Variants in CD80 observed in about 807,000 individuals in gnomAD.
The protein encoded by CD80 is CD80 molecule.
In CD80, 13 loss-of-function variants were observed where a neutral mutation model predicts 27.1. The observed-to-expected ratio is 0.48, with a 90% CI of 0.31 to 0.76. The LOEUF (loss-of-function observed/expected upper bound fraction) is 0.76, where lower values mean the gene tolerates loss of function less well. Ranked by LOEUF, CD80 falls within the 30% of genes least tolerant of loss-of-function variation. The probability of loss-of-function intolerance (pLI) is 0.04; values close to 1 mark genes in which losing one functional copy is unlikely to be tolerated. For synonymous variants in CD80, 125 were observed against 125.5 expected (o/e 1.00, Z 0.03); for missense variants, 277 against 347.9 (o/e 0.80, Z 1.62).
intron 2 of CD80, among the ~76,000 whole-genome samples, chr3:119,555,290 G>A (rs1260376619): frequency 6.6e-6 from 1 of 152,028 alleles, no homozygotes; most frequent in Non-Finnish European, 1.5e-5. Flanking sequence ...TCACGATAGG[G>A]GTCACTCCTG....
intron 3 of CD80, among the ~76,000 whole-genome samples, chr3:119,539,005 T>G (rs976374393): frequency 6.6e-6 from 1 of 152,222 alleles, no homozygotes; most frequent in Non-Finnish European, 1.5e-5. Context: ...TATTTCTGGA[T>G]GGGTTTTCCC....
intron 6 of CD80, among the ~76,000 whole-genome samples, chr3:119,526,718 C>T (rs1405989636): frequency 6.6e-6 from 1 of 152,144 alleles, no homozygotes; most frequent in Non-Finnish European, 1.5e-5. Context: ...TTTTGCAAAA[C>T]AACCTGTTGT....
chr3:119,536,317 TTTTTAAATTTA>T (rs2107741781), intron 4 of CD80, among the ~76,000 whole-genome samples: 2 of 152,126 alleles, frequency 1.3e-5, no homozygotes, highest in South Asian at 4.2e-4. Flanking sequence ...GTGACTTTAT[TTTTTAAATTTA>T]TTTTTTAAAT....
intron 2 of CD80, 116 bp from the exon 3 acceptor site, chr3:119,544,983 A>G (rs1192733389): frequency 2.6e-6 from 2 of 762,552 alleles, no homozygotes; most frequent in African/African-American, 3.5e-5. Context: ...GTGACTAAGT[A>G]TCAATCCAGT....
chr3:119,542,955 C>T (rs2082178641), intron 3 of CD80, among the ~76,000 whole-genome samples: 1 of 152,176 alleles, frequency 6.6e-6, no homozygotes, highest in South Asian at 2.1e-4. Context: ...TCAGCTGGCA[C>T]CACCCAGATC....
At chr3:119,527,885 C>G (rs953556555) in intron 5 of CD80, 44 bp from the exon 6 acceptor site, 5 of 1,524,474 alleles carry the variant, frequency 3.3e-6, no homozygotes, top group Non-Finnish European at 4.5e-6. Context: ...GTAAGTTTCC[C>G]TTGAATTGTG....
At chr3:119,535,090 G>T (rs1471510360) in intron 4 of CD80, among the ~76,000 whole-genome samples, 2 of 151,940 alleles carry the variant, frequency 1.3e-5, no homozygotes, top group Non-Finnish European at 2.9e-5. Context: ...TACACAGGAG[G>T]CTGAGACAGG....
At chr3:119,553,755 GC>G (rs1292197122) in intron 2 of CD80, among the ~76,000 whole-genome samples, 2 of 152,222 alleles carry the variant, frequency 1.3e-5, no homozygotes, top group African/African-American at 4.8e-5. Context: ...ACACAAGTGT[GC>G]TTTTTAAATA....
At chr3:119,545,151 C>T (rs976773790) in intron 2 of CD80, among the ~76,000 whole-genome samples, 2 of 152,044 alleles carry the variant, frequency 1.3e-5, no homozygotes, top group Non-Finnish European at 2.9e-5. Flanking sequence ...CGAGACCAGC[C>T]GGGCCAACAT....
intron 3 of CD80, among the ~76,000 whole-genome samples, chr3:119,537,912 A>G (rs929104972): frequency 3.3e-5 from 5 of 152,268 alleles, no homozygotes; most frequent in Non-Finnish European, 7.3e-5. Flanking sequence ...TGAATTGGTT[A>G]TATCAATTCT....
At chr3:119,544,036 C>T (rs1008800475) in intron 3 of CD80, among the ~76,000 whole-genome samples, 26 of 151,944 alleles carry the variant, frequency 1.7e-4, no homozygotes, top group Admixed American at 7.2e-4. Context: ...TACAGGAATG[C>T]GCCACCACAT....
chr3:119,544,040 A>G (rs1206960216), intron 3 of CD80, among the ~76,000 whole-genome samples: 1 of 151,882 alleles, frequency 6.6e-6, no homozygotes, highest in Non-Finnish European at 1.5e-5. Context: ...GGAATGCGCC[A>G]CCACATCTGG....
intron 6 of CD80, among the ~76,000 whole-genome samples, chr3:119,526,906 T>G (rs2082070507): frequency 1.3e-5 from 2 of 152,204 alleles, no homozygotes; most frequent in Admixed American, 1.3e-4. Flanking sequence ...ACCTGGGACC[T>G]GATATCAGTC....
At chr3:119,537,439 T>C in intron 3 of CD80, 21 bp from the exon 4 acceptor site, 1 of 1,477,224 alleles carries the variant, frequency 6.8e-7, no homozygotes, top group Non-Finnish European at 9.4e-7. Context: ...AACAAGAATA[T>C]ATAATTACGT....
rs534359608 is a variant in CD80, at chr3:119,544,390, A to G, written c.418+160T>C. 1.5e-4 allele frequency: 91 copies of G among 622,110 alleles called. No individual in the cohort carries two copies. The African/African-American group carries it at 1.6e-3, about 11-fold the overall frequency. The allele number at this position is 622,110 out of a possible 1,614,324, so 38.5% of individuals were successfully genotyped here. A position where few individuals can be genotyped will look rare whatever the true frequency, so the allele number is the denominator to read the frequency against. ...ACAGATATTTCCAGGACATCTTTAG[A>G]AACCAGTTAGAGTTTATTGTACAAC... On this transcript the variant is annotated intron_variant, in intron 3 of 6. Transcript: ENST00000264246.
intron 6 of CD80, 75 bp downstream of exon 6, chr3:119,527,658 G>C (rs2082074590): frequency 1.2e-6 from 1 of 848,862 alleles, no homozygotes. Flanking sequence ...GGGTAAAACA[G>C]CTTAAATTTG....
chr3:119,557,983 T>C (rs1474472864), intron 1 of CD80, 55 bp from the exon 2 acceptor site: 1 of 304,084 alleles, frequency 3.3e-6, no homozygotes, highest in Non-Finnish European at 6.0e-6. Context: ...CTACTTTGAG[T>C]TGCAAAACTC....
At chr3:119,552,921 G>C (rs1422164441) in intron 2 of CD80, among the ~76,000 whole-genome samples, 1 of 152,074 alleles carries the variant, frequency 6.6e-6, no homozygotes, top group African/African-American at 2.4e-5. Context: ...CATAGAGACA[G>C]AGAGTAAATT....
intron 2 of CD80, among the ~76,000 whole-genome samples, chr3:119,548,340 T>C (rs771953766): frequency 1.3e-5 from 2 of 152,142 alleles, no homozygotes; most frequent in Non-Finnish European, 2.9e-5. Flanking sequence ...CTTATGTATA[T>C]AGCCAGATGC....
Sources: gnomAD v4.1 joint callset for allele counts (sites outside exome capture counted in the v4.1 genomes callset) on GRCh38, gnomAD v4.1.1 for gene constraint, MANE v1.5 for transcripts, NCBI Gene and HGNC (gene_info 2026-07-23, HGNC 2026-07-21) for gene names.